The following AGBL4 variants were observed in gnomAD, a reference collection of about 807,000 sequenced individuals.
AGBL4 encodes the protein AGBL carboxypeptidase 4.
Under a neutral mutation model 66.4 loss-of-function variants are expected in AGBL4, and 58 were observed. The observed-to-expected ratio is 0.87, with a 90% CI of 0.71 to 1.09. The LOEUF is 1.09. Ranked by LOEUF, AGBL4 falls within the 50% of genes least tolerant of loss-of-function variation. The pLI is 0.00. For missense variants in AGBL4, 579 were observed against 631.0 expected, an observed-to-expected ratio of 0.92 and a Z score of 0.88; for synonymous variants, 234 against 222.9, an observed-to-expected ratio of 1.05 and a Z score of -0.44.
At chr1:49,242,410 C>T (rs1027238449) in intron 4 of AGBL4, among the ~76,000 whole-genome samples, 2 of 151,946 alleles carry the variant, frequency 1.3e-5, no homozygotes, top group African/African-American at 4.8e-5. Flanking sequence ...CATCCCCATG[C>T]ATGGAATGTG....
chr1:49,610,770 A>C (rs1323365915), intron 3 of AGBL4, among the ~76,000 whole-genome samples: 2 of 152,200 alleles, frequency 1.3e-5, no homozygotes, highest in African/African-American at 4.8e-5. Context: ...GTGAGCGATA[A>C]ATATCTCTTA....
chr1:48,878,192 A>G (rs377757698), intron 5 of AGBL4, among the ~76,000 whole-genome samples: 2 of 152,142 alleles, frequency 1.3e-5, no homozygotes, highest in East Asian at 1.9e-4. Context: ...ATCATACTCA[A>G]GTAAGTGTTC....
intron 4 of AGBL4, among the ~76,000 whole-genome samples, chr1:49,093,949 C>T (rs898764422): frequency 6.6e-6 from 1 of 152,058 alleles, no homozygotes; most frequent in African/African-American, 2.4e-5. Context: ...TCTTCTTTAA[C>T]AGAAATAGCA....
At chr1:49,597,949 A>G (rs371107381) in intron 3 of AGBL4, among the ~76,000 whole-genome samples, 9 of 152,314 alleles carry the variant, frequency 5.9e-5, no homozygotes, top group African/African-American at 2.2e-4. Flanking sequence ...ATACACAATC[A>G]TGTCATCTGC....
intron 5 of AGBL4, among the ~76,000 whole-genome samples, chr1:48,868,292 T>A (rs1648309500): frequency 6.6e-6 from 1 of 152,232 alleles, no homozygotes; most frequent in Admixed American, 6.5e-5. Flanking sequence ...TCCCTCTTTA[T>A]CTTGCCTCTA....
intron 1 of AGBL4, among the ~76,000 whole-genome samples, chr1:49,952,667 G>A (rs893944650): frequency 6.6e-6 from 1 of 151,886 alleles, no homozygotes; most frequent in Non-Finnish European, 1.5e-5. Context: ...AAACAGGATA[G>A]GCAAAACCCA....
chr1:49,928,810 C>T (rs534024892), intron 1 of AGBL4, among the ~76,000 whole-genome samples: 38 of 151,580 alleles, frequency 2.5e-4, no homozygotes, highest in Middle Eastern at 3.4e-3. Context: ...ATCCCATTAC[C>T]GGTATATCCT....
rs144732173 is a variant in AGBL4 at position 48,815,646 on chromosome 1, A to G, written c.634+51545T>C. 6.6e-5 allele frequency among the ~76,000 whole-genome samples: 10 copies of G among 152,282 alleles called. No individual in the cohort carries two copies. In the East Asian group the frequency reaches 1.9e-3, roughly 29 times the overall value. On this transcript the variant is annotated intron_variant, in intron 6 of 13. Transcript: ENST00000371839. ...TGAGTGCATAATATATTCTTCATAT[A>G]CTCAGTATCTATAGAGCACCTGGCA...
intron 3 of AGBL4, among the ~76,000 whole-genome samples, chr1:49,442,607 A>G (rs1242176212): frequency 6.6e-6 from 1 of 152,230 alleles, no homozygotes; most frequent in African/African-American, 2.4e-5. Flanking sequence ...ATGTCTGAAT[A>G]GTATTCCATT....
At chr1:49,613,689 A>G (rs1645198160) in intron 3 of AGBL4, among the ~76,000 whole-genome samples, 1 of 152,198 alleles carries the variant, frequency 6.6e-6, no homozygotes, top group Non-Finnish European at 1.5e-5. Context: ...ATGGGACCAT[A>G]TAGTTGCAAG....
At chr1:49,842,414 G>A in intron 2 of AGBL4, 1 of 779,712 alleles carries the variant, frequency 1.3e-6, no homozygotes, top group Non-Finnish European at 1.7e-6. Flanking sequence ...TCAGGGCTGA[G>A]AGAAGCCTGT....
chr1:49,256,516 T>C (rs1256691662), intron 3 of AGBL4, among the ~76,000 whole-genome samples: 1 of 152,080 alleles, frequency 6.6e-6, no homozygotes, highest in Non-Finnish European at 1.5e-5. Context: ...CTATAAAACA[T>C]TGTTGAGACA....
chr1:49,508,174 G>A (rs981702753), intron 3 of AGBL4, among the ~76,000 whole-genome samples: 2 of 151,896 alleles, frequency 1.3e-5, no homozygotes, highest in African/African-American at 4.8e-5. Flanking sequence ...AGACTGTAAA[G>A]TTAAGTTAGA....
chr1:49,825,336 G>A (rs1237048788), intron 2 of AGBL4, among the ~76,000 whole-genome samples: 1 of 152,122 alleles, frequency 6.6e-6, no homozygotes, highest in Non-Finnish European at 1.5e-5. Context: ...GAGTAGGAAG[G>A]GGACAAAAAA....
At chr1:48,539,450 C>T (rs1345707132) in intron 12 of AGBL4, among the ~76,000 whole-genome samples, 192 bp downstream of exon 12, 1 of 152,056 alleles carries the variant, frequency 6.6e-6, no homozygotes, top group African/African-American at 2.4e-5. Flanking sequence ...CTGTCTGACC[C>T]CTTAATGACA....
chr1:48,640,970 A>T (rs1645745721), intron 8 of AGBL4, among the ~76,000 whole-genome samples: 1 of 152,024 alleles, frequency 6.6e-6, no homozygotes, highest in African/African-American at 2.4e-5. Flanking sequence ...CTGAAGAAGG[A>T]TAGAGAAAAA....
chr1:49,281,649 C>T (rs761112242), intron 3 of AGBL4, among the ~76,000 whole-genome samples: 9 of 152,196 alleles, frequency 5.9e-5, no homozygotes, highest in Non-Finnish European at 1.0e-4. Flanking sequence ...TTGGCTTTGT[C>T]CTCAGTTTCC....
intron 2 of AGBL4, 60 bp from the exon 3 acceptor site, chr1:49,697,497 AC>A (rs1647010033): frequency 7.6e-7 from 1 of 1,317,346 alleles, no homozygotes; most frequent in Non-Finnish European, 1.0e-6. Context: ...TCAATGGTAC[AC>A]ACATTTAAAT....
intron 6 of AGBL4, among the ~76,000 whole-genome samples, chr1:48,859,596 T>C (rs905331985): frequency 2.6e-5 from 4 of 152,206 alleles, no homozygotes; most frequent in Admixed American, 2.6e-4. Flanking sequence ...CCAGTGATAT[T>C]ACAAATAGAG....
Sources: gnomAD v4.1 joint callset for allele counts (sites outside exome capture counted in the v4.1 genomes callset) on GRCh38, gnomAD v4.1.1 for gene constraint, MANE v1.5 for transcripts, NCBI Gene and HGNC (gene_info 2026-07-23, HGNC 2026-07-21) for gene names.